Variants in ADGRL3 observed in about 807,000 individuals in gnomAD.
The protein encoded by ADGRL3 is calcium-independent alpha-latrotoxin receptor 3.
A neutral mutation model predicts 153.5 loss-of-function variants in ADGRL3; 62 were observed. The observed-to-expected ratio is 0.40, with a 90% CI of 0.33 to 0.50. ADGRL3 has a LOEUF of 0.50. Among genes scored for constraint, ADGRL3 ranks in the 20% least tolerant of loss-of-function variants. The pLI is 0.47. For missense variants in ADGRL3, 1,641 were observed against 1,859.4 expected, an observed-to-expected ratio of 0.88 and a Z score of 2.16; for synonymous variants, 710 against 672.5, an observed-to-expected ratio of 1.06 and a Z score of -0.86.
At chr4:61,369,394 G>C (rs35943566) in intron 1 of ADGRL3, among the ~76,000 whole-genome samples, 1 of 152,106 alleles carries the variant, frequency 6.6e-6, no homozygotes, top group Non-Finnish European at 1.5e-5. Flanking sequence ...ATTATTTTGA[G>C]ATATGTCCCA....
At chr4:62,038,015 AC>A (rs1197183195) in intron 24 of ADGRL3, among the ~76,000 whole-genome samples, 159 bp downstream of exon 24, 2 of 152,178 alleles carry the variant, frequency 1.3e-5, no homozygotes, top group Non-Finnish European at 2.9e-5. Context: ...AATGGAAGAA[AC>A]TAAAACTGTA....
At chr4:61,874,879 G>A (rs1327690722) in intron 9 of ADGRL3, among the ~76,000 whole-genome samples, 1 of 128,368 alleles carries the variant, frequency 7.8e-6, no homozygotes, top group African/African-American at 2.9e-5. Context: ...CGCAATCTCG[G>A]CTCACTGCAA....
chr4:61,936,781 T>TACACACACACAG (rs2098840534), intron 15 of ADGRL3, among the ~76,000 whole-genome samples: 1 of 138,734 alleles, frequency 7.2e-6, no homozygotes, highest in Non-Finnish European at 1.5e-5. Flanking sequence ...TACATATGCA[T>TACACACACACAG]ACACACACAC....
chr4:62,070,101 T>C lies in ADGRL3; in HGVS notation c.3833-8T>C, dbSNP rs1442999192. ...ATAAATGTCATAGTATCTTGTAATC[T>C]TTTTCAGAGGGGCTTCTGAACAATG... On this transcript the variant is annotated splice_polypyrimidine_tract_variant and splice_region_variant and intron_variant, in intron 26 of 26. Transcript: ENST00000683033. The C allele has an allele frequency of 3.1e-6, 5 of 1,607,682 alleles. No individual in the cohort carries two copies. The highest frequency in any genetic ancestry group is 3.4e-6 in the Non-Finnish European group (4 of 1,176,134).
At position 61,432,573 on chromosome 4, in the gene ADGRL3, CCTTTCTTTCTTTCTTTCTTT is replaced by C. The variant is rs1219373046; in HGVS notation, c.-174+49449_-174+49468del. ...TTTATAGATTTCTTTTCTTTCTCTT[CCTTTCTTTCTTTCTTTCTTT>C]CTTTCTTTCTTTCTTTCTTTCTTTC... On this transcript the variant is annotated intron_variant, in intron 2 of 26. Transcript: ENST00000683033. 7.7e-3 allele frequency among the ~76,000 whole-genome samples: 276 copies of C among 35,840 alleles called. 11 individuals are homozygous for C. Among genetic ancestry groups the C allele is most frequent in the African/African-American group, 0.02 (260 of 13,032 alleles). The allele number at this position is 35,840 out of a possible 152,430, so 23.5% of individuals were successfully genotyped here. A position where few individuals can be genotyped will look rare whatever the true frequency, so the allele number is the denominator to read the frequency against.
chr4:61,327,366 G>A lies in ADGRL3; in HGVS notation c.-239-55758G>A, dbSNP rs116254344. Among the ~76,000 whole-genome samples, 1,293 of 150,500 alleles carry A rather than the reference G, an allele frequency of 8.6e-3. 12 individuals are homozygous for A. Among genetic ancestry groups the A allele is most frequent in the Admixed American group, 0.016 (239 of 15,044 alleles). On this transcript the variant is annotated intron_variant, in intron 1 of 26. Transcript: ENST00000683033. The stretch of plus-strand genomic sequence containing the variant: ...AATTTTGCTGGCTAGGGTACATAGA[G>A]ATTTCCTGTAAAGTATGCTCCTACC...
In ADGRL3 at chr4:62,002,083, G is replaced by A. The variant is rs569859946; in HGVS notation, c.3395+3818G>A. The stretch of plus-strand genomic sequence containing the variant: ...TATCATCTTCAGAATCACTGCAGTG[G>A]TCTCCTAACTTCTCTGTCCACATCA... On this transcript the variant is annotated intron_variant, in intron 21 of 26. Transcript: ENST00000683033. Among the ~76,000 whole-genome samples the A allele has an allele frequency of 4.0e-5, 6 of 151,856 alleles. No individual in the cohort carries two copies. The South Asian group carries it at 1.3e-3, about 32-fold the overall frequency.
chr4:61,423,525 A>T (rs1578772397), intron 2 of ADGRL3, among the ~76,000 whole-genome samples: 1 of 152,212 alleles, frequency 6.6e-6, no homozygotes, highest in African/African-American at 2.4e-5. Context: ...CTGAGCCTTG[A>T]TGAAGGTATA....
At position 61,624,732 on chromosome 4, in the gene ADGRL3, T is replaced by G. The variant is rs184796965; in HGVS notation, c.473+37292T>G. Among the ~76,000 whole-genome samples, 140 of 152,194 alleles carry G rather than the reference T, an allele frequency of 9.2e-4. 2 individuals are homozygous for G. Among genetic ancestry groups the G allele is most frequent in the African/African-American group, 3.3e-3 (136 of 41,548 alleles). ...AGGCTGAGTTACTTTATGCCAGATATTCTACCTATGCTTTGAATCTAATGG... is the reference window on the plus strand; with the variant it reads ...AGGCTGAGTTACTTTATGCCAGATAGTCTACCTATGCTTTGAATCTAATGG... On this transcript the variant is annotated intron_variant, in intron 5 of 26. Coordinates refer to ENST00000683033, the MANE Select transcript of ADGRL3 (RefSeq NM_001387552.1).
At chr4:61,399,686 C>A (rs2096907681) in intron 2 of ADGRL3, among the ~76,000 whole-genome samples, 1 of 151,654 alleles carries the variant, frequency 6.6e-6, no homozygotes, top group African/African-American at 2.4e-5. Context: ...GCTTCATGGA[C>A]CTCAATTTCT....
chr4:61,343,809 G>T (rs540680593), intron 1 of ADGRL3, among the ~76,000 whole-genome samples: 8 of 152,218 alleles, frequency 5.3e-5, no homozygotes, highest in Admixed American at 2.0e-4. Context: ...TTTGCCTACT[G>T]AGCTTTTCAC....
chr4:61,552,938 C>T (rs894868612), intron 4 of ADGRL3, among the ~76,000 whole-genome samples: 9 of 152,038 alleles, frequency 5.9e-5, no homozygotes, highest in Non-Finnish European at 1.2e-4. Context: ...TTTATGAAGG[C>T]CTTACAGTGT....
intron 12 of ADGRL3, among the ~76,000 whole-genome samples, chr4:61,912,200 T>C (rs2098724818): frequency 1.3e-5 from 2 of 152,204 alleles, no homozygotes; most frequent in African/African-American, 4.8e-5. Context: ...AGAGTCATAA[T>C]GAATGGGCAT....
At chr4:61,925,301 A>T (rs981430898) in intron 13 of ADGRL3, among the ~76,000 whole-genome samples, 1 of 152,036 alleles carries the variant, frequency 6.6e-6, no homozygotes, top group Non-Finnish European at 1.5e-5. Context: ...TTCTTACTTC[A>T]TTTGCCCCTC....
At chr4:61,440,275 C>T (rs976613113) in intron 2 of ADGRL3, among the ~76,000 whole-genome samples, 6 of 152,126 alleles carry the variant, frequency 3.9e-5, no homozygotes, top group Admixed American at 2.0e-4. Flanking sequence ...GTCTCAAACT[C>T]CTGACCTCAT....
intron 17 of ADGRL3, among the ~76,000 whole-genome samples, chr4:61,958,377 G>GTTCTCTCTTTCTTTC (rs1553894040): frequency 3.4e-5 from 5 of 148,054 alleles, no homozygotes; most frequent in African/African-American, 1.3e-4. Context: ...TGTTGTAAAG[G>GTTCTCTCTTTCTTTC]TTTCTTTCTT....
Position 61,823,104 on chromosome 4 carries a change from A to T in ADGRL3, c.1480+9215A>T, listed in dbSNP as rs147482673. Among the ~76,000 whole-genome samples, 1,044 of 152,150 alleles carry T rather than the reference A, an allele frequency of 6.9e-3. 11 individuals are homozygous for T. Among genetic ancestry groups the T allele is most frequent in the African/African-American group, 0.024 (984 of 41,490 alleles). On this transcript the variant is annotated intron_variant, in intron 9 of 26. Transcript: ENST00000683033. ...GTTCTCTCAACTTCACCTCTCCCCAAATCCCATGCGGAGATTCCTGTGTTC... is the reference window on the plus strand; with the variant it reads ...GTTCTCTCAACTTCACCTCTCCCCATATCCCATGCGGAGATTCCTGTGTTC...
At chr4:61,248,913 C>G (rs890704659) in intron 1 of ADGRL3, among the ~76,000 whole-genome samples, 4 of 152,082 alleles carry the variant, frequency 2.6e-5, no homozygotes, top group Non-Finnish European at 2.9e-5. Context: ...AATAATAGGT[C>G]GAATTTCTTG....
intron 9 of ADGRL3, among the ~76,000 whole-genome samples, chr4:61,883,445 T>C (rs2098519954): frequency 6.6e-6 from 1 of 152,202 alleles, no homozygotes; most frequent in South Asian, 2.1e-4. Context: ...TTTATTAAGC[T>C]ATTATTCTCT....
Sources: allele counts gnomAD v4.1 joint callset (sites outside exome capture counted in the v4.1 genomes callset), GRCh38; gene constraint gnomAD v4.1.1; transcripts MANE v1.5; gene names NCBI Gene and HGNC (gene_info 2026-07-23, HGNC 2026-07-21).